The following SUGCT variants were observed in gnomAD, a reference collection of about 807,000 sequenced individuals.
SUGCT encodes the protein succinyl-CoA:glutarate CoA-transferase.
Under a neutral mutation model 55.0 loss-of-function variants are expected in SUGCT, and 41 were observed. That is an observed-to-expected ratio of 0.74 (90% CI 0.58 to 0.97). The LOEUF (loss-of-function observed/expected upper bound fraction) is 0.97. Ranked by LOEUF, SUGCT falls within the 50% of genes least tolerant of loss-of-function variation. The pLI, the probability that SUGCT is intolerant of heterozygous loss-of-function variation, is 0.00. For missense variants in SUGCT, 568 were observed against 547.8 expected (o/e 1.04, Z -0.37); for synonymous variants, 187 against 200.4 (o/e 0.93, Z 0.56).
chr7:40,769,910 C>T (rs1003672964), intron 13 of SUGCT, among the ~76,000 whole-genome samples: 1 of 152,184 alleles, frequency 6.6e-6, no homozygotes, highest in South Asian at 2.1e-4. Flanking sequence ...GACTTCTTTC[C>T]CTCAACACTT....
intron 8 of SUGCT, among the ~76,000 whole-genome samples, chr7:40,311,014 C>T (rs770957936): frequency 6.6e-6 from 1 of 152,154 alleles, no homozygotes; most frequent in Admixed American, 6.5e-5. Context: ...ATCTCAAATT[C>T]AACACATTCA....
the SUGCT span, among the ~76,000 whole-genome samples, chr7:40,926,345 A>G: frequency 6.6e-6 from 1 of 152,210 alleles, no homozygotes; most frequent in East Asian, 1.9e-4. Context: ...ATTCAGTGAA[A>G]CATCCACAAA....
At chr7:40,215,256 C>T (rs1035104849) in intron 6 of SUGCT, among the ~76,000 whole-genome samples, 1 of 152,136 alleles carries the variant, frequency 6.6e-6, no homozygotes, top group South Asian at 2.1e-4. Flanking sequence ...GATCTTCCTA[C>T]CTCGGCCTCC....
rs1370509360 is a variant in SUGCT at position 40,760,938 on chromosome 7, G to A, written c.1153+11441G>A. On this transcript the variant is annotated intron_variant, in intron 13 of 13. Transcript: ENST00000335693. The stretch of plus-strand genomic sequence containing the variant: ...ATTAAGTGGAAACACAGTATAGATA[G>A]TTAATAAACTCGTAGCTTCATCTAC... Among the ~76,000 whole-genome samples the A allele has an allele frequency of 2.6e-5, 4 of 152,358 alleles. No homozygotes were observed. In the East Asian group the frequency reaches 7.7e-4, roughly 29 times the overall value.
intron 9 of SUGCT, among the ~76,000 whole-genome samples, chr7:40,323,567 G>GT (rs796753126): frequency 1.3e-5 from 2 of 151,776 alleles, no homozygotes; most frequent in African/African-American, 4.8e-5. Flanking sequence ...TATTTAAAAA[G>GT]TTTTTTTTAG....
intron 9 of SUGCT, among the ~76,000 whole-genome samples, chr7:40,436,223 T>C (rs189378121): frequency 3.9e-5 from 6 of 152,078 alleles, no homozygotes; most frequent in African/African-American, 1.2e-4. Context: ...GATTACAGGC[T>C]TGAGCCACCA....
At chr7:40,759,893 AGC>A (rs1788447925) in intron 13 of SUGCT, among the ~76,000 whole-genome samples, 1 of 151,158 alleles carries the variant, frequency 6.6e-6, no homozygotes, top group Non-Finnish European at 1.5e-5. Flanking sequence ...TAAAAAAAAA[AGC>A]AGCAGCAGCC....
At chr7:40,276,157 TA>T (rs1792463660) in intron 8 of SUGCT, among the ~76,000 whole-genome samples, 1 of 152,230 alleles carries the variant, frequency 6.6e-6, no homozygotes, top group South Asian at 2.1e-4. Context: ...TACATAACAG[TA>T]GCTTCGAGTC....
intron 1 of SUGCT, among the ~76,000 whole-genome samples, chr7:40,159,559 C>T (rs941764693): frequency 1.3e-5 from 2 of 151,926 alleles, no homozygotes; most frequent in African/African-American, 2.4e-5. Flanking sequence ...TTAGTAGAGA[C>T]GAGGATTCAC....
chr7:40,224,499 GAC>G, intron 6 of SUGCT, among the ~76,000 whole-genome samples: 1 of 151,918 alleles, frequency 6.6e-6, no homozygotes, highest in Middle Eastern at 3.4e-3. Flanking sequence ...AAGATGCATT[GAC>G]ATGGTCATCA....
chr7:40,634,627 A>G (rs1799941954), intron 12 of SUGCT, among the ~76,000 whole-genome samples: 1 of 152,244 alleles, frequency 6.6e-6, no homozygotes, highest in African/African-American at 2.4e-5. Context: ...AAAATTTCCT[A>G]GGCAAGAAGA....
intron 7 of SUGCT, among the ~76,000 whole-genome samples, chr7:40,244,560 C>A (rs1181701392): frequency 6.6e-6 from 1 of 152,062 alleles, no homozygotes; most frequent in Non-Finnish European, 1.5e-5. Context: ...AGCTGTGCTT[C>A]GTAAGATTAG....
At chr7:40,987,956 G>T in the SUGCT span, among the ~76,000 whole-genome samples, 1 of 151,912 alleles carries the variant, frequency 6.6e-6, no homozygotes, top group Non-Finnish European at 1.5e-5. Context: ...CTTTCTCTCT[G>T]TGTGTGTCTC....
At chr7:40,365,289 A>G (rs1329702201) in intron 9 of SUGCT, among the ~76,000 whole-genome samples, 1 of 152,090 alleles carries the variant, frequency 6.6e-6, no homozygotes, top group African/African-American at 2.4e-5. Context: ...ATCTATGACA[A>G]ACCCACAGCC....
At chr7:40,762,579 T>C (rs1475359807) in intron 13 of SUGCT, among the ~76,000 whole-genome samples, 1 of 152,164 alleles carries the variant, frequency 6.6e-6, no homozygotes, top group Non-Finnish European at 1.5e-5. Context: ...AGTTGTGTTA[T>C]TTGGATAAAG....
chr7:40,727,057 T>C (rs1786648203), intron 12 of SUGCT, among the ~76,000 whole-genome samples: 1 of 152,230 alleles, frequency 6.6e-6, no homozygotes, highest in African/African-American at 2.4e-5. Context: ...GACTAATATA[T>C]TAGTAGTCAT....
intron 1 of SUGCT, chr7:40,141,822 A>G: frequency 2.4e-6 from 1 of 409,018 alleles, no homozygotes; most frequent in Non-Finnish European, 4.9e-6. Flanking sequence ...TTTAATTCTC[A>G]GCAAGGCAAT....
At chr7:40,818,077 A>G (rs1173538405) in intron 13 of SUGCT, among the ~76,000 whole-genome samples, 1 of 152,240 alleles carries the variant, frequency 6.6e-6, no homozygotes, top group African/African-American at 2.4e-5. Context: ...GAGAATAGGA[A>G]CCAAGGAATG....
At chr7:40,223,508 A>G (rs1006484259) in intron 6 of SUGCT, among the ~76,000 whole-genome samples, 1 of 152,232 alleles carries the variant, frequency 6.6e-6, no homozygotes. Flanking sequence ...TTAGATAGTT[A>G]TTCTATAAAT....
Sources: gnomAD v4.1 joint callset for allele counts (sites outside exome capture counted in the v4.1 genomes callset) on GRCh38, gnomAD v4.1.1 for gene constraint, MANE v1.5 for transcripts, NCBI Gene and HGNC (gene_info 2026-07-23, HGNC 2026-07-21) for gene names.